The following IQCM variants were observed in gnomAD, a reference collection of about 807,000 sequenced individuals.
IQCM encodes the protein IQ motif containing M, also known as IQ domain-containing protein M.
Under a neutral mutation model 57.6 loss-of-function variants are expected in IQCM, and 45 were observed. The ratio of observed to expected loss-of-function variants is 0.78; its 90% CI spans 0.62 to 1.00. IQCM has a LOEUF of 1.00. IQCM is among the 50% of genes least tolerant of loss of function. The probability of loss-of-function intolerance (pLI) is 0.00; values close to 1 mark genes in which losing one functional copy is unlikely to be tolerated. For missense variants in IQCM, 468 were observed against 511.6 expected, an observed-to-expected ratio of 0.91 and a Z score of 0.82; for synonymous variants, 148 against 158.9, an observed-to-expected ratio of 0.93 and a Z score of 0.51.
At chr4:149,537,397 G>C (rs1579407641) in intron 12 of IQCM, among the ~76,000 whole-genome samples, 1 of 151,918 alleles carries the variant, frequency 6.6e-6, no homozygotes, top group Non-Finnish European at 1.5e-5. Flanking sequence ...TTTGAAGGCA[G>C]ATTAATAGCT....
In IQCM at chr4:149,519,465, C is replaced by CA. The variant is rs1285910491; in HGVS notation, c.1228+28989dup. Among the ~76,000 whole-genome samples the CA allele has an allele frequency of 9.2e-5, 14 of 151,564 alleles. No individual in the cohort carries two copies. In the East Asian group the frequency reaches 9.8e-4, roughly 11 times the overall value. ...TGAAACCCCGTCTCTACTAAAAATA[C>CA]AAAAAAATTAGCCTGGCGTGGTGGC... On this transcript the variant is annotated intron_variant, in intron 12 of 13. Transcript: ENST00000636793.
chr4:149,419,026 G>A (rs1733946415), intron 13 of IQCM, among the ~76,000 whole-genome samples: 1 of 152,108 alleles, frequency 6.6e-6, no homozygotes, highest in South Asian at 2.1e-4. Context: ...CCATGCTCAT[G>A]GAAAGGAAGA....
At chr4:149,750,800 A>G (rs528375006) in intron 2 of IQCM, among the ~76,000 whole-genome samples, 1 of 152,374 alleles carries the variant, frequency 6.6e-6, no homozygotes, top group South Asian at 2.1e-4. Context: ...AAAGACAACA[A>G]TGAAAACACC....
At chr4:149,470,184 G>T (rs1739353744) in intron 12 of IQCM, among the ~76,000 whole-genome samples, 1 of 152,018 alleles carries the variant, frequency 6.6e-6, no homozygotes, top group Admixed American at 6.5e-5. Flanking sequence ...CTGGCAAATT[G>T]GTTGAAGAGT....
chr4:149,480,147 C>A (rs1355845924), intron 12 of IQCM, among the ~76,000 whole-genome samples: 1 of 151,984 alleles, frequency 6.6e-6, no homozygotes, highest in African/African-American at 2.4e-5. Context: ...CTCTGATTTA[C>A]CAATTGTGCA....
At chr4:149,779,874 G>A (rs990828605) in intron 2 of IQCM, among the ~76,000 whole-genome samples, 2 of 152,088 alleles carry the variant, frequency 1.3e-5, no homozygotes, top group South Asian at 2.1e-4. Flanking sequence ...CTTATACTAC[G>A]CTGTTTGTGC....
chr4:149,783,734 G>C (rs909698753), intron 2 of IQCM, among the ~76,000 whole-genome samples: 2 of 152,148 alleles, frequency 1.3e-5, no homozygotes, highest in African/African-American at 4.8e-5. Context: ...TCAGACTAGA[G>C]AGAGAGGCTC....
chr4:149,474,428 G>C (rs573376740), intron 12 of IQCM, among the ~76,000 whole-genome samples: 4 of 151,784 alleles, frequency 2.6e-5, no homozygotes, highest in African/African-American at 9.7e-5. Flanking sequence ...TAAAAATTAG[G>C]CCAGGCACAG....
At chr4:149,565,159 G>A (rs950728564) in intron 9 of IQCM, among the ~76,000 whole-genome samples, 1 of 152,048 alleles carries the variant, frequency 6.6e-6, no homozygotes, top group Non-Finnish European at 1.5e-5. Flanking sequence ...CCAGGGCTGA[G>A]TCTTGCCCCA....
At chr4:149,671,390 A>G (rs1761268512) in intron 7 of IQCM, among the ~76,000 whole-genome samples, 1 of 151,998 alleles carries the variant, frequency 6.6e-6, no homozygotes. Context: ...TAGTCTTGCT[A>G]GCTGTCTATC....
At chr4:149,444,143 G>T (rs550901500) in intron 12 of IQCM, among the ~76,000 whole-genome samples, 12 of 151,910 alleles carry the variant, frequency 7.9e-5, no homozygotes, top group Non-Finnish European at 1.2e-4. Context: ...AAGGAGAAAG[G>T]CTACATATAT....
chr4:149,522,876 A>C lies in IQCM; in HGVS notation c.1228+25579T>G, dbSNP rs1007066737. Among the ~76,000 whole-genome samples the C allele has an allele frequency of 3.9e-5, 6 of 152,352 alleles. No homozygotes were observed. The South Asian group carries it at 6.2e-4, about 16-fold the overall frequency. On this transcript the variant is annotated intron_variant, in intron 12 of 13. Coordinates refer to ENST00000636793, the MANE Select transcript of IQCM (RefSeq NM_001363507.2). The stretch of plus-strand genomic sequence containing the variant: ...ATACACAAAATAGGTATATCCTGGT[A>C]AAATTCCTGAACCCCAAAGATAAAA...
chr4:149,472,001 C>T (rs1383177390), intron 12 of IQCM, among the ~76,000 whole-genome samples: 1 of 152,118 alleles, frequency 6.6e-6, no homozygotes, highest in African/African-American at 2.4e-5. Flanking sequence ...ATGACAAACC[C>T]ACAGCCAATA....
chr4:149,427,464 C>T (rs6535681), intron 13 of IQCM, among the ~76,000 whole-genome samples: 70,550 of 151,640 alleles, frequency 0.47, 16,621 homozygotes, highest in East Asian at 0.51. Context: ...TTCCAACATG[C>T]TTGGTGAAGT....
At position 149,393,457 on chromosome 4, in the gene IQCM, A is replaced by G. The variant is rs958926506; in HGVS notation, c.1390+39939T>C. Among the ~76,000 whole-genome samples, 3 of 152,020 alleles carry G rather than the reference A, an allele frequency of 2.0e-5. No homozygotes were observed. The South Asian group carries it at 6.2e-4, about 32-fold the overall frequency. ...ACCTAACGGAAGCATTTTTTTAAAA[A>G]GAATATAATGGAAAAGATAAAATAT... On this transcript the variant is annotated intron_variant, in intron 13 of 13. Coordinates refer to ENST00000636793, the MANE Select transcript of IQCM (RefSeq NM_001363507.2).
At chr4:149,812,478 T>A (rs1011044054) in intron 2 of IQCM, among the ~76,000 whole-genome samples, 27 of 141,628 alleles carry the variant, frequency 1.9e-4, no homozygotes, top group South Asian at 1.4e-3. Flanking sequence ...TCTCTCTCTC[T>A]CTCACACACA....
intron 7 of IQCM, among the ~76,000 whole-genome samples, chr4:149,656,998 T>C (rs1024354956): frequency 4.6e-5 from 7 of 152,268 alleles, no homozygotes; most frequent in Admixed American, 1.3e-4. Flanking sequence ...CTCTTCAACA[T>C]TTATGGCATA....
At chr4:149,700,724 T>C (rs1763706454) in intron 5 of IQCM, among the ~76,000 whole-genome samples, 1 of 152,004 alleles carries the variant, frequency 6.6e-6, no homozygotes, top group African/African-American at 2.4e-5. Flanking sequence ...ACTTAGCCTC[T>C]CTGAACTTCT....
intron 7 of IQCM, among the ~76,000 whole-genome samples, chr4:149,649,761 T>A (rs1758985806): frequency 6.6e-6 from 1 of 152,120 alleles, no homozygotes; most frequent in African/African-American, 2.4e-5. Context: ...TATTCATCTG[T>A]CCATAAAATA....
Sources: gnomAD v4.1 joint callset for allele counts (sites outside exome capture counted in the v4.1 genomes callset) on GRCh38, gnomAD v4.1.1 for gene constraint, MANE v1.5 for transcripts, NCBI Gene and HGNC (gene_info 2026-07-23, HGNC 2026-07-21) for gene names.